The following OR3A2 variants were observed in gnomAD, a reference collection of about 807,000 sequenced individuals.
OR3A2 encodes olfactory receptor family 3 subfamily A member 2.
For synonymous variants in OR3A2, 126 were observed against 159.3 expected, an observed-to-expected ratio of 0.79 and a Z score of 1.57; for missense variants, 318 against 392.8, an observed-to-expected ratio of 0.81 and a Z score of 1.61.
At chr17:3,291,766 T>A in intron 3 of OR3A2, 1 of 1,613,766 alleles carries the variant, frequency 6.2e-7, no homozygotes, top group Non-Finnish European at 8.5e-7. Flanking sequence ...GCTTTATCCT[T>A]GTCTGAAAGC....
chr17:3,366,217 A>G (rs1005428288), intron 2 of OR3A2, among the ~76,000 whole-genome samples: 3 of 152,198 alleles, frequency 2.0e-5, no homozygotes, highest in African/African-American at 7.2e-5. Flanking sequence ...GCAGATTTAT[A>G]CGTTGAAGAA....
chr17:3,278,966 G>A, intron 1 of OR3A2, 43 bp from the exon 5 acceptor site: 1 of 1,576,430 alleles, frequency 6.3e-7, no homozygotes, highest in Non-Finnish European at 8.6e-7. Flanking sequence ...AGTTCACTCA[G>A]TTCACTTATT....
chr17:3,382,357 A>G (rs1301715785), intron 2 of OR3A2, among the ~76,000 whole-genome samples: 1 of 152,226 alleles, frequency 6.6e-6, no homozygotes, highest in Non-Finnish European at 1.5e-5. Context: ...CAGAGCCCTT[A>G]TAGCTGTGGC....
chr17:3,382,550 A>G (rs2049746469), intron 2 of OR3A2, among the ~76,000 whole-genome samples: 1 of 152,188 alleles, frequency 6.6e-6, no homozygotes, highest in South Asian at 2.1e-4. Flanking sequence ...AGAAAACCCA[A>G]CATTTCTCTG....
At chr17:3,342,893 G>A (rs1447747789) in intron 2 of OR3A2, among the ~76,000 whole-genome samples, 1 of 152,208 alleles carries the variant, frequency 6.6e-6, no homozygotes, top group Non-Finnish European at 1.5e-5. Flanking sequence ...CAGAGGTGGA[G>A]TGCACAGAGG....
exon 2 of OR3A2, chr17:3,278,048 A>T (rs1227007352): frequency 2.5e-6 from 4 of 1,613,132 alleles, no homozygotes; most frequent in African/African-American, 1.3e-5. Context: ...TGTAGATAAG[A>T]GGGTTCAGCA....
intron 2 of OR3A2, among the ~76,000 whole-genome samples, chr17:3,353,473 A>T (rs372433227): frequency 4.6e-5 from 7 of 152,000 alleles, no homozygotes; most frequent in East Asian, 3.9e-4. Flanking sequence ...TTCCTAATTC[A>T]GTATGATACT....
intron 2 of OR3A2, among the ~76,000 whole-genome samples, chr17:3,340,424 T>C (rs1444443959): frequency 6.6e-6 from 1 of 152,244 alleles, no homozygotes; most frequent in Non-Finnish European, 1.5e-5. Flanking sequence ...AATTTCCCTT[T>C]ACACACTGCT....
At chr17:3,337,701 T>C (rs968475180) in intron 2 of OR3A2, among the ~76,000 whole-genome samples, 1 of 152,186 alleles carries the variant, frequency 6.6e-6, no homozygotes, top group Admixed American at 6.5e-5. Flanking sequence ...TGGTTCCAAG[T>C]CTTTGGTATT....
intron 2 of OR3A2, among the ~76,000 whole-genome samples, chr17:3,344,855 G>A (rs2049349194): frequency 6.6e-6 from 1 of 152,112 alleles, no homozygotes; most frequent in Non-Finnish European, 1.5e-5. Flanking sequence ...GCCAACTGGA[G>A]GGAATGTTCC....
intron 2 of OR3A2, among the ~76,000 whole-genome samples, chr17:3,375,024 A>C (rs921289591): frequency 2.7e-5 from 4 of 149,194 alleles, no homozygotes; most frequent in African/African-American, 9.9e-5. Flanking sequence ...TTTCATTCAT[A>C]TCCTGTATTT....
At chr17:3,277,977 A>C (rs889692218) in exon 2 of OR3A2, 1 of 1,596,612 alleles carries the variant, frequency 6.3e-7, no homozygotes, top group Non-Finnish European at 8.6e-7. Context: ...CTCTCAGGTC[A>C]GTGATCTCCT....
intron 2 of OR3A2, among the ~76,000 whole-genome samples, chr17:3,370,520 T>C (rs1217536157): frequency 6.6e-6 from 1 of 152,230 alleles, no homozygotes; most frequent in Admixed American, 6.5e-5. Context: ...GGATTTCATT[T>C]AATTCTGCTC....
At chr17:3,289,379 G>A (rs2048843861), upstream of OR3A2, among the ~76,000 whole-genome samples, 1 of 152,234 alleles carries the variant, frequency 6.6e-6, no homozygotes, top group Non-Finnish European at 1.5e-5. Context: ...AGGGTGAACA[G>A]GGACCTGGGA....
intron 2 of OR3A2, among the ~76,000 whole-genome samples, chr17:3,352,723 G>T (rs1475020234): frequency 6.6e-6 from 1 of 151,808 alleles, no homozygotes; most frequent in African/African-American, 2.4e-5. Flanking sequence ...GATAGCTTTG[G>T]CTAATCTGGG....
intron 2 of OR3A2, among the ~76,000 whole-genome samples, chr17:3,349,092 G>A (rs1429247086): frequency 2.0e-5 from 3 of 152,112 alleles, no homozygotes. Flanking sequence ...AAAATGTAAA[G>A]ACCATTGAGA....
intron 3 of OR3A2, among the ~76,000 whole-genome samples, chr17:3,324,090 C>T (rs995637860): frequency 3.9e-5 from 6 of 151,916 alleles, no homozygotes; most frequent in South Asian, 2.1e-4. Context: ...CTTCTCTTCT[C>T]CCTTCCTTTC....
chr17:3,324,613 C>G (rs193184903), intron 3 of OR3A2, among the ~76,000 whole-genome samples: 1 of 152,208 alleles, frequency 6.6e-6, no homozygotes, highest in East Asian at 1.9e-4. Flanking sequence ...TTGGAGTTTG[C>G]TAGAGGTCCA....
At chr17:3,294,495 C>A (rs1181062945) in intron 3 of OR3A2, among the ~76,000 whole-genome samples, 1 of 151,730 alleles carries the variant, frequency 6.6e-6, no homozygotes, top group Non-Finnish European at 1.5e-5. Flanking sequence ...AGGAGGAAAT[C>A]AAAAAAGTGG....
Sources: gnomAD v4.1 joint callset for allele counts (sites outside exome capture counted in the v4.1 genomes callset) on GRCh38, gnomAD v4.1.1 for gene constraint, MANE v1.5 for transcripts, NCBI Gene and HGNC (gene_info 2026-07-23, HGNC 2026-07-21) for gene names.